The following UBE3D variants were observed in gnomAD, a reference collection of about 807,000 sequenced individuals.
UBE3D encodes ubiquitin protein ligase E3D.
UBE3D carries 48 observed loss-of-function variants against 49.6 expected under a neutral mutation model. That is an observed-to-expected ratio of 0.97 (90% CI 0.77 to 1.23). The LOEUF is 1.23. Among genes scored for constraint, UBE3D ranks in the 50% most tolerant of loss-of-function variants. The probability of loss-of-function intolerance (pLI) is 0.00; values close to 1 mark genes in which losing one functional copy is unlikely to be tolerated. For missense variants in UBE3D, 452 were observed against 468.4 expected (o/e 0.96, Z 0.32); for synonymous variants, 189 against 174.2 (o/e 1.08, Z -0.67).
rs530208217 is a variant in UBE3D at position 83,003,391 on chromosome 6, T to TA, written c.1010+15581dup. On this transcript the variant is annotated intron_variant, in intron 8 of 9. Coordinates refer to ENST00000369747, the MANE Select transcript of UBE3D (RefSeq NM_198920.3). ...TTCATAGGACACCTGTTATTTCTAG[T>TA]AAAAAAAAAAGCTGACTTTTATTAT... Among the ~76,000 whole-genome samples the TA allele has an allele frequency of 4.0e-3, 587 of 147,648 alleles. 10 individuals are homozygous for TA. Among genetic ancestry groups the TA allele is most frequent in the East Asian group, 0.04 (202 of 5,104 alleles).
intron 4 of UBE3D, among the ~76,000 whole-genome samples, chr6:83,039,299 T>G (rs1053101902): frequency 6.6e-6 from 1 of 152,210 alleles, no homozygotes; most frequent in Non-Finnish European, 1.5e-5. Flanking sequence ...AACCACAGAA[T>G]AGGTGTAGGC....
intron 8 of UBE3D, among the ~76,000 whole-genome samples, chr6:82,963,675 GACC>G (rs2127782896): frequency 6.6e-6 from 1 of 152,202 alleles, no homozygotes; most frequent in East Asian, 1.9e-4. Context: ...ATTAGATGAT[GACC>G]ACCCAGATTA....
chr6:82,964,751 T>C (rs1776791211), intron 8 of UBE3D, among the ~76,000 whole-genome samples: 1 of 152,208 alleles, frequency 6.6e-6, no homozygotes, highest in Non-Finnish European at 1.5e-5. Flanking sequence ...TTATAAGCCA[T>C]TCTTAGGAAT....
In UBE3D at chr6:82,916,295, A is replaced by G. The variant is rs115588296; in HGVS notation, c.1150-23253T>C. Among the ~76,000 whole-genome samples, 1,299 of 152,258 alleles carry G rather than the reference A, an allele frequency of 8.5e-3. 21 individuals carry two copies. Among genetic ancestry groups the G allele is most frequent in the African/African-American group, 0.029 (1,199 of 41,532 alleles). On this transcript the variant is annotated intron_variant, in intron 9 of 9. Coordinates refer to ENST00000369747, the MANE Select transcript of UBE3D (RefSeq NM_198920.3). ...GTACATCTGTGTCAAAATATCCACT[A>G]TGGCATTTTCAATTATTAAATATAG...
chr6:82,924,289 G>C (rs974506108), intron 9 of UBE3D, among the ~76,000 whole-genome samples: 14 of 152,216 alleles, frequency 9.2e-5, no homozygotes, highest in African/African-American at 3.1e-4. Context: ...TTACTTGGAT[G>C]AAATATAGGT....
chr6:82,932,866 G>A (rs1024487156), intron 9 of UBE3D, among the ~76,000 whole-genome samples: 1 of 152,044 alleles, frequency 6.6e-6, no homozygotes, highest in Admixed American at 6.6e-5. Flanking sequence ...TAGACACCAG[G>A]GGACATGCTA....
At chr6:82,956,788 A>G (rs774419312) in intron 9 of UBE3D, among the ~76,000 whole-genome samples, 19 of 152,186 alleles carry the variant, frequency 1.2e-4, no homozygotes, top group Non-Finnish European at 2.6e-4. Context: ...CAACTAGACA[A>G]TTACGTAGTC....
chr6:83,033,360 G>T (rs1782015424), intron 5 of UBE3D, among the ~76,000 whole-genome samples: 1 of 152,040 alleles, frequency 6.6e-6, no homozygotes, highest in Non-Finnish European at 1.5e-5. Flanking sequence ...TATTTTATGA[G>T]ATTTAAAGGA....
At chr6:83,004,898 T>G (rs1178958005) in intron 8 of UBE3D, among the ~76,000 whole-genome samples, 1 of 152,124 alleles carries the variant, frequency 6.6e-6, no homozygotes, top group Admixed American at 6.5e-5. Flanking sequence ...CCACATCAGG[T>G]GCAGAGTATC....
intron 5 of UBE3D, among the ~76,000 whole-genome samples, chr6:83,025,427 C>A (rs1289526364): frequency 1.0e-4 from 5 of 47,870 alleles, no homozygotes; most frequent in Non-Finnish European, 2.2e-4. Flanking sequence ...AAATGTACAT[C>A]AAAATAAGAT....
chr6:83,020,345 T>TTTTTTTTTGTTG (rs1554204644), intron 7 of UBE3D, among the ~76,000 whole-genome samples: 36 of 140,518 alleles, frequency 2.6e-4, no homozygotes, highest in African/African-American at 1.0e-3. Flanking sequence ...GATACTGTTT[T>TTTTTTTTTGTTG]TTTTTTTTTT....
intron 8 of UBE3D, among the ~76,000 whole-genome samples, chr6:82,959,385 C>T (rs1392879432): frequency 1.3e-5 from 2 of 151,646 alleles, no homozygotes; most frequent in Non-Finnish European, 2.9e-5. Flanking sequence ...TCTGGTAGTA[C>T]CACCAGCCCG....
At chr6:83,046,391 A>AT (rs1783032563) in intron 3 of UBE3D, among the ~76,000 whole-genome samples, 1 of 152,162 alleles carries the variant, frequency 6.6e-6, no homozygotes. Flanking sequence ...TTAGTTTAAC[A>AT]TAAGGAAGAA....
intron 8 of UBE3D, among the ~76,000 whole-genome samples, chr6:82,975,236 T>C (rs983401638): frequency 7.2e-5 from 11 of 152,156 alleles, no homozygotes; most frequent in African/African-American, 2.7e-4. Flanking sequence ...TATAAGGCAT[T>C]GCTTTAAAGT....
At chr6:83,023,836 G>A (rs1781267094) in intron 6 of UBE3D, 133 bp downstream of exon 6, 1 of 582,972 alleles carries the variant, frequency 1.7e-6, no homozygotes, top group African/African-American at 2.0e-5. Context: ...CACTATTCAT[G>A]TAAGCAAACA....
chr6:82,890,531 C>G (rs768835424), downstream of UBE3D, among the ~76,000 whole-genome samples: 28 of 152,174 alleles, frequency 1.8e-4, no homozygotes, highest in South Asian at 2.1e-4. Flanking sequence ...CAATTTAAAG[C>G]AAAGTAACTA....
chr6:83,028,347 T>C (rs890054415), intron 5 of UBE3D, among the ~76,000 whole-genome samples: 1 of 152,066 alleles, frequency 6.6e-6, no homozygotes, highest in African/African-American at 2.4e-5. Context: ...AGTTTTACAA[T>C]GAAGATATTT....
chr6:83,044,294 C>G, intron 4 of UBE3D, 134 bp downstream of exon 4: 2 of 792,270 alleles, frequency 2.5e-6, no homozygotes, highest in Non-Finnish European at 4.0e-6. Context: ...GCAACGATAG[C>G]GATGACAGTT....
intron 9 of UBE3D, among the ~76,000 whole-genome samples, chr6:82,903,520 T>A (rs1281097516): frequency 6.6e-6 from 1 of 152,156 alleles, no homozygotes; most frequent in Non-Finnish European, 1.5e-5. Context: ...GTAGCATAGT[T>A]GAATCAGTTC....
Sources: allele counts gnomAD v4.1 joint callset (sites outside exome capture counted in the v4.1 genomes callset), GRCh38; gene constraint gnomAD v4.1.1; transcripts MANE v1.5; gene names NCBI Gene and HGNC (gene_info 2026-07-23, HGNC 2026-07-21).